GRIK4: variants seen among roughly 807,000 people sequenced by gnomAD.
GRIK4 encodes the protein glutamate ionotropic receptor kainate type subunit 4.
A neutral mutation model predicts 104.9 loss-of-function variants in GRIK4; 40 were observed. The ratio of observed to expected loss-of-function variants is 0.38; its 90% CI spans 0.30 to 0.50. GRIK4 has a LOEUF of 0.50. GRIK4 is among the 20% of genes least tolerant of loss of function. The pLI, the probability that GRIK4 is intolerant of heterozygous loss-of-function variation, is 0.93. For synonymous variants in GRIK4, 485 were observed against 524.9 expected (o/e 0.92, Z 1.04); for missense variants, 1,047 against 1,308.1 (o/e 0.80, Z 3.08).
At chr11:120,859,204 C>G (rs938671877) in intron 8 of GRIK4, 1 of 151,964 alleles carries the variant, frequency 6.6e-6, no homozygotes, top group African/African-American at 2.4e-5. Flanking sequence ...CAGAAGCTAC[C>G]CCAGATTTCA....
intron 3 of GRIK4, among the ~76,000 whole-genome samples, chr11:120,745,359 A>G (rs1275133141): frequency 6.6e-6 from 1 of 152,194 alleles, no homozygotes; most frequent in Non-Finnish European, 1.5e-5. Context: ...AATGGGGAAC[A>G]TTCCATACGT....
chr11:120,974,677 C>G (rs545293953), intron 19 of GRIK4, among the ~76,000 whole-genome samples: 64 of 152,266 alleles, frequency 4.2e-4, no homozygotes, highest in Admixed American at 7.2e-4. Context: ...TTTGCCAGGT[C>G]TTGCTTGCCT....
At chr11:120,875,548 A>G (rs974531343) in intron 11 of GRIK4, among the ~76,000 whole-genome samples, 2 of 152,156 alleles carry the variant, frequency 1.3e-5, no homozygotes, top group African/African-American at 4.8e-5. Flanking sequence ...TCTGACCCTA[A>G]TCCTGGAGCC....
At chr11:120,699,747 A>G (rs1453470470) in intron 3 of GRIK4, among the ~76,000 whole-genome samples, 1 of 152,242 alleles carries the variant, frequency 6.6e-6, no homozygotes, top group Admixed American at 6.5e-5. Context: ...GAAGAGCTGC[A>G]CACATGTTTG....
At chr11:120,593,818 G>A (rs193292039) in intron 1 of GRIK4, among the ~76,000 whole-genome samples, 1 of 152,200 alleles carries the variant, frequency 6.6e-6, no homozygotes, top group Admixed American at 6.5e-5. Flanking sequence ...CCCCATCTCA[G>A]TAAATGGCAC....
intron 1 of GRIK4, among the ~76,000 whole-genome samples, chr11:120,588,598 A>T (rs965943158): frequency 3.3e-5 from 5 of 152,212 alleles, no homozygotes; most frequent in African/African-American, 1.2e-4. Flanking sequence ...GCCGGGAGGC[A>T]TCCCAGGAGG....
intron 2 of GRIK4, among the ~76,000 whole-genome samples, chr11:120,654,330 C>T (rs1049449966): frequency 6.6e-6 from 1 of 152,104 alleles, no homozygotes; most frequent in African/African-American, 2.4e-5. Context: ...AGGATGAGTG[C>T]GTGGCCATGA....
intron 12 of GRIK4, among the ~76,000 whole-genome samples, chr11:120,904,196 C>T (rs1428808857): frequency 1.3e-5 from 2 of 152,168 alleles, no homozygotes; most frequent in African/African-American, 2.4e-5. Context: ...CCCTGTCTTA[C>T]CCTTGCTCCA....
At position 120,946,447 on chromosome 11, in the gene GRIK4, G is replaced by C. The variant is rs368371750; in HGVS notation, c.1590+5987G>C. Among the ~76,000 whole-genome samples, 200 of 152,238 alleles carry C rather than the reference G, an allele frequency of 1.3e-3. 2 individuals carry two copies. Among genetic ancestry groups the C allele is most frequent in the African/African-American group, 4.6e-3 (190 of 41,532 alleles). On this transcript the variant is annotated intron_variant, in intron 14 of 20. Coordinates refer to ENST00000527524, the MANE Select transcript of GRIK4 (RefSeq NM_014619.5). ...AGGCTGAGGCAGGAGTATCACCAGG[G>C]TTCGAGGCTGTAGTGAGCTATGACT...
At chr11:120,910,226 C>T (rs947634940) in intron 13 of GRIK4, among the ~76,000 whole-genome samples, 6 of 152,168 alleles carry the variant, frequency 3.9e-5, no homozygotes, top group South Asian at 2.1e-4. Flanking sequence ...GTTACAACAG[C>T]GGAAAGCATA....
chr11:120,580,830 A>G (rs895260918), intron 1 of GRIK4, among the ~76,000 whole-genome samples: 3 of 152,132 alleles, frequency 2.0e-5, no homozygotes, highest in Admixed American at 2.0e-4. Context: ...TAGCTTCCTA[A>G]GAAGCTGCCA....
In GRIK4 at chr11:120,682,274, G is replaced by A. The variant is rs559706448; in HGVS notation, c.82+21874G>A. Among the ~76,000 whole-genome samples the A allele has an allele frequency of 2.6e-5, 4 of 152,342 alleles. No homozygotes were observed. The East Asian group carries it at 5.8e-4, about 22-fold the overall frequency. The stretch of plus-strand genomic sequence containing the variant: ...GCGGCCAATGGACAGGCAGACGGGT[G>A]GCGGGAGGGCTTCCCTGCTGCTGGC... On this transcript the variant is annotated intron_variant, in intron 3 of 20. Transcript: ENST00000527524.
At chr11:120,585,449 A>G (rs908168205) in intron 1 of GRIK4, among the ~76,000 whole-genome samples, 5 of 151,882 alleles carry the variant, frequency 3.3e-5, no homozygotes, top group Non-Finnish European at 7.4e-5. Flanking sequence ...TCCTGGTTCA[A>G]GCGATTCTGG....
At chr11:120,602,336 T>C (rs565284078) in intron 1 of GRIK4, among the ~76,000 whole-genome samples, 7 of 152,292 alleles carry the variant, frequency 4.6e-5, no homozygotes, top group Non-Finnish European at 8.8e-5. Context: ...CAGAGCCCTA[T>C]AGGAATTGAT....
chr11:120,759,149 G>C (rs1349011268), intron 3 of GRIK4, among the ~76,000 whole-genome samples: 1 of 152,232 alleles, frequency 6.6e-6, no homozygotes, highest in Non-Finnish European at 1.5e-5. Context: ...ATGAGTAGTA[G>C]AAGTTAGCCA....
chr11:120,643,960 T>A (rs1949504494), intron 1 of GRIK4, among the ~76,000 whole-genome samples: 1 of 151,354 alleles, frequency 6.6e-6, no homozygotes, highest in African/African-American at 2.4e-5. Flanking sequence ...AGTCTAACAA[T>A]GCAGATAATA....
At chr11:120,618,785 A>G (rs1949147097) in intron 1 of GRIK4, among the ~76,000 whole-genome samples, 1 of 152,252 alleles carries the variant, frequency 6.6e-6, no homozygotes, top group Non-Finnish European at 1.5e-5. Flanking sequence ...GCAGGTGCAC[A>G]GAGTGCAAGA....
intron 3 of GRIK4, among the ~76,000 whole-genome samples, chr11:120,781,739 C>T (rs1435710029): frequency 2.6e-5 from 4 of 152,182 alleles, no homozygotes; most frequent in African/African-American, 7.2e-5. Flanking sequence ...GCTGGCAGTG[C>T]GTGAGGGTGG....
chr11:120,636,526 G>A (rs966888212), intron 1 of GRIK4, among the ~76,000 whole-genome samples: 1 of 152,192 alleles, frequency 6.6e-6, no homozygotes, highest in Non-Finnish European at 1.5e-5. Flanking sequence ...TTGGGGATCA[G>A]TTCGGATTCT....
Sources: gnomAD v4.1 joint callset for allele counts (sites outside exome capture counted in the v4.1 genomes callset) on GRCh38, gnomAD v4.1.1 for gene constraint, MANE v1.5 for transcripts, NCBI Gene and HGNC (gene_info 2026-07-23, HGNC 2026-07-21) for gene names.